ZNF790: variants seen among roughly 807,000 people sequenced by gnomAD.
ZNF790 encodes the protein zinc finger protein 790.
Under a neutral mutation model 12.1 loss-of-function variants are expected in ZNF790, and 8 were observed. The ratio of observed to expected loss-of-function variants is 0.66; its 90% CI spans 0.39 to 1.19. The LOEUF is 1.19. Among genes scored for constraint, ZNF790 ranks in the 50% most tolerant of loss-of-function variants. The pLI is 0.01. For missense variants in ZNF790, 707 were observed against 752.2 expected (o/e 0.94, Z 0.70); for synonymous variants, 252 against 244.3 (o/e 1.03, Z -0.29).
intron 1 of ZNF790, among the ~76,000 whole-genome samples, chr19:36,846,542 C>T (rs538308729): frequency 4.4e-4 from 67 of 151,504 alleles, no homozygotes; most frequent in Admixed American, 3.0e-3. Context: ...CCAGCCTGGG[C>T]GACAGAGCGA....
chr19:36,846,645 C>A (rs1221337235), intron 1 of ZNF790, among the ~76,000 whole-genome samples: 1 of 152,156 alleles, frequency 6.6e-6, no homozygotes, highest in African/African-American at 2.4e-5. Context: ...AACTTTCATA[C>A]ATTTCTGGTT....
intron 1 of ZNF790, among the ~76,000 whole-genome samples, chr19:36,826,474 TC>T (rs2071801487): frequency 6.6e-6 from 1 of 151,294 alleles, no homozygotes; most frequent in Non-Finnish European, 1.5e-5. Context: ...TCCCAGCTAT[TC>T]GGGAGGCTGA....
chr19:36,823,991 T>TC (rs1568336263), intron 2 of ZNF790, among the ~76,000 whole-genome samples: 1 of 131,728 alleles, frequency 7.6e-6, no homozygotes, highest in East Asian at 2.2e-4. Context: ...GTCTACATGC[T>TC]CTTTTTTTTT....
At chr19:36,833,914 G>C (rs1413590865) in intron 1 of ZNF790, among the ~76,000 whole-genome samples, 1 of 152,110 alleles carries the variant, frequency 6.6e-6, no homozygotes, top group African/African-American at 2.4e-5. Context: ...ATAATGATCA[G>C]ACTACATTTT....
chr19:36,829,218 A>G (rs889607143), intron 1 of ZNF790, among the ~76,000 whole-genome samples: 3 of 152,208 alleles, frequency 2.0e-5, no homozygotes, highest in African/African-American at 7.2e-5. Context: ...ACCACAGTCA[A>G]TGTTAGAATA....
At chr19:36,820,207 A>G (rs561030096) in intron 4 of ZNF790, 93 bp from the exon 5 acceptor site, 1 of 1,356,456 alleles carries the variant, frequency 7.4e-7, no homozygotes, top group Non-Finnish European at 9.8e-7. Flanking sequence ...GAAGTAAAGC[A>G]TATGAGAAGT....
At chr19:36,827,141 C>CACACATATATATAT (rs1313807327) in intron 1 of ZNF790, among the ~76,000 whole-genome samples, 2 of 84,442 alleles carry the variant, frequency 2.4e-5, no homozygotes, top group East Asian at 4.9e-4. Flanking sequence ...CACACACACA[C>CACACATATATATAT]ATATATATAT....
rs1350508326 is a variant in ZNF790, at chr19:36,835,191, A to G, written c.-74+3146T>C. Among the ~76,000 whole-genome samples the G allele has an allele frequency of 2.6e-5, 4 of 152,322 alleles. No individual in the cohort carries two copies. In the East Asian group the frequency reaches 7.7e-4, roughly 29 times the overall value. On this transcript the variant is annotated intron_variant, in intron 1 of 4. Transcript: ENST00000356725. ...GTAGTCCCAGCTACTCAGGAGCCTG[A>G]GGCAGGAGAATTGCTTGAACCAGAA... is the stretch of plus-strand genomic sequence containing the variant.
chr19:36,847,603 A>C (rs1473418197), intron 1 of ZNF790, among the ~76,000 whole-genome samples: 1 of 152,114 alleles, frequency 6.6e-6, no homozygotes, highest in Non-Finnish European at 1.5e-5. Flanking sequence ...TACAAAAATT[A>C]GCCGGGATTG....
chr19:36,820,095 C>G lies in ZNF790; in HGVS notation c.249G>C (p.Gln83His), dbSNP rs749865116. 124 of 1,604,174 alleles carry G rather than the reference C, an allele frequency of 7.7e-5. No homozygotes were observed. The highest frequency in any genetic ancestry group is 1.0e-4 in the Admixed American group (6 of 59,914). The part of the protein sequence containing the change: ...GPCPDMQSRC[Q>H]TKKLLPKNGI... ...CATTTTTTGGTAATAACTTCTTGGT[C>G]TGACACCTCGACTGCATGTCTGAAA... is the stretch of plus-strand genomic sequence containing the variant. Residue 83 changes from glutamine to histidine, a missense_variant, in exon 5 of 5, where the codon CAG (glutamine) becomes CAC (histidine). Gln to His is a conservative substitution (Grantham distance 24). Coordinates refer to ENST00000356725, the MANE Select transcript of ZNF790 (RefSeq NM_206894.4).
At chr19:36,831,100 C>G (rs1384094867) in intron 1 of ZNF790, among the ~76,000 whole-genome samples, 1 of 151,780 alleles carries the variant, frequency 6.6e-6, no homozygotes. Context: ...GATCACGCCA[C>G]TGCACTTCAG....
chr19:36,818,186 G>C lies in ZNF790; in HGVS notation c.*247C>G, dbSNP rs1345884180. On this transcript the variant is annotated 3_prime_UTR_variant, in exon 5 of 5. Coordinates refer to ENST00000356725, the MANE Select transcript of ZNF790 (RefSeq NM_206894.4). ...GAATGTTTTGAGAATGATTCAAAAA[G>C]AATTCATGCTATCTCATAAAATTTT... 1 of 286,294 alleles carries C rather than the reference G, an allele frequency of 3.5e-6. No individual in the cohort carries two copies. The highest frequency in any genetic ancestry group is 2.2e-5 in the African/African-American group (1 of 46,260). 17.7% of individuals were successfully genotyped at this position (286,294 alleles called of 1,614,324 possible).
chr19:36,821,665 C>A (rs1481893000), intron 4 of ZNF790, among the ~76,000 whole-genome samples: 1 of 152,072 alleles, frequency 6.6e-6, no homozygotes, highest in African/African-American at 2.4e-5. Flanking sequence ...CTCACTGCAA[C>A]CTCCGCCTCC....
chr19:36,846,112 A>G (rs553479892), intron 1 of ZNF790, among the ~76,000 whole-genome samples: 3 of 151,996 alleles, frequency 2.0e-5, no homozygotes, highest in East Asian at 2.0e-4. Flanking sequence ...CCTGGCCCCA[A>G]TCTTATCTTT....
At chr19:36,835,192 G>A (rs1235583104) in intron 1 of ZNF790, among the ~76,000 whole-genome samples, 1 of 152,166 alleles carries the variant, frequency 6.6e-6, no homozygotes, top group East Asian at 1.9e-4. Flanking sequence ...AGGAGCCTGA[G>A]GCAGGAGAAT....
At chr19:36,847,248 G>A (rs563377706) in intron 1 of ZNF790, among the ~76,000 whole-genome samples, 1 of 152,038 alleles carries the variant, frequency 6.6e-6, no homozygotes, top group South Asian at 2.1e-4. Context: ...CAGCTACTCG[G>A]GAGGCTGAGG....
chr19:36,835,449 AATTAT>A (rs2072026718), intron 1 of ZNF790, among the ~76,000 whole-genome samples: 1 of 152,170 alleles, frequency 6.6e-6, no homozygotes, highest in Non-Finnish European at 1.5e-5. Context: ...CAAAACTGTA[AATTAT>A]ATTATTGGTG....
At chr19:36,830,370 G>T (rs942422689) in intron 1 of ZNF790, among the ~76,000 whole-genome samples, 1 of 152,138 alleles carries the variant, frequency 6.6e-6, no homozygotes, top group Admixed American at 6.6e-5. Flanking sequence ...AGCCAACCTT[G>T]CATTTCTGGG....
At chr19:36,820,178 A>T in intron 4 of ZNF790, 64 bp from the exon 5 acceptor site, 1 of 1,483,822 alleles carries the variant, frequency 6.7e-7, no homozygotes. Context: ...CAACTTCTAA[A>T]ATAGATATAG....
Sources: allele counts gnomAD v4.1 joint callset (sites outside exome capture counted in the v4.1 genomes callset), GRCh38; gene constraint gnomAD v4.1.1; transcripts MANE v1.5; gene names NCBI Gene and HGNC (gene_info 2026-07-23, HGNC 2026-07-21).